Variants in KIF5A observed in about 807,000 individuals in gnomAD.
KIF5A encodes kinesin family member 5A, also known as kinesin heavy chain isoform 5A.
KIF5A carries 35 observed loss-of-function variants against 141.3 expected under a neutral mutation model. The ratio of observed to expected loss-of-function variants is 0.25; its 90% CI spans 0.19 to 0.33. KIF5A has a LOEUF of 0.33. Ranked by LOEUF, KIF5A falls within the 10% of genes least tolerant of loss-of-function variation. The probability of loss-of-function intolerance (pLI) is 1.00; values close to 1 mark genes in which losing one functional copy is unlikely to be tolerated. For missense variants in KIF5A, 861 were observed against 1,314.3 expected (o/e 0.66, Z 5.33); for synonymous variants, 448 against 500.2 (o/e 0.90, Z 1.39).
rs113155897 is a variant in KIF5A at position 57,578,065 on chromosome 12, G to A, written c.2418G>A (p.Thr806=). 2,313 of 1,614,026 alleles carry A rather than the reference G, an allele frequency of 1.4e-3. 5 individuals carry two copies. Among genetic ancestry groups the A allele is most frequent in the Non-Finnish European group, 1.9e-3 (2,206 of 1,179,920 alleles). The change falls in exon 22 of 29, where the codon ACG becomes ACA. Residue 806 remains threonine (T), a synonymous_variant. Coordinates refer to ENST00000455537, the MANE Select transcript of KIF5A (RefSeq NM_004984.4). ...GCAAGCTGTTCGTTCAAGACGTCAC[G>A]ACTCGAGTCAAGAAAGTGAGTGCTG... ...NLRKLFVQDV[T]TRVKKSAEME... is the part of the protein sequence containing the mutation.
Position 57,572,472 on chromosome 12 carries a change from C to A in KIF5A, c.1570-108C>A. The A allele has an allele frequency of 1.4e-6, 2 of 1,466,326 alleles. No homozygotes were observed. The highest frequency in any genetic ancestry group is 1.9e-6 in the Non-Finnish European group (2 of 1,062,808). The allele number at this position is 1,466,326 out of a possible 1,614,324, so 90.8% of individuals were successfully genotyped here. On this transcript the variant is annotated intron_variant, in intron 14 of 28. Coordinates refer to ENST00000455537, the MANE Select transcript of KIF5A (RefSeq NM_004984.4). The surrounding 1 kb of genome is among the most constrained non-coding windows in gnomAD (Gnocchi z 4.2). Reference sequence around the variant, plus strand: ...CAGACTCTTCTGCAGGGCCTGTGTTCTCTTCATAGCAGCCCTCAGGGTCTT... The same window carrying A: ...CAGACTCTTCTGCAGGGCCTGTGTTATCTTCATAGCAGCCCTCAGGGTCTT...
intron 1 of KIF5A, among the ~76,000 whole-genome samples, chr12:57,555,675 C>G (rs904701829): frequency 2.0e-5 from 3 of 151,930 alleles, no homozygotes; most frequent in Non-Finnish European, 2.9e-5. Context: ...CTTTGGGAGA[C>G]AGAGGCGGGT....
intron 27 of KIF5A, 172 bp downstream of exon 27, chr12:57,582,801 A>G (rs1882647213): frequency 2.9e-6 from 2 of 682,368 alleles, no homozygotes; most frequent in Non-Finnish European, 5.2e-6. Context: ...CCCCTGCCTC[A>G]GTGCAGAATA....
chr12:57,553,997 A>G (rs1057062231), intron 1 of KIF5A, among the ~76,000 whole-genome samples: 1 of 152,180 alleles, frequency 6.6e-6, no homozygotes, highest in Non-Finnish European at 1.5e-5. Context: ...GCAGAATTAC[A>G]TACTTCTGAA....
At chr12:57,569,912 G>T in intron 11 of KIF5A, 75 bp from the exon 12 acceptor site, 1 of 1,532,516 alleles carries the variant, frequency 6.5e-7, no homozygotes, top group South Asian at 1.2e-5. Flanking sequence ...CAAGGGGCAT[G>T]GTGAGTGAGA....
chr12:57,574,982 T>A, intron 15 of KIF5A, 102 bp from the exon 16 acceptor site: 1 of 1,000,342 alleles, frequency 1.0e-6, no homozygotes, highest in Non-Finnish European at 1.6e-6. Context: ...CCCATTTGAG[T>A]CCCTGCGTAT....
Position 57,577,990 on chromosome 12 carries a change from T to A in KIF5A, c.2362-19T>A. On this transcript the variant is annotated intron_variant, in intron 21 of 28. Transcript: ENST00000455537. ...GACCTGGTATCTGGCTATTCCCAAT[T>A]TTTCATCATTCTTTCCAGGCCCGGG... 6.2e-7 allele frequency: 1 copy of A among 1,610,076 alleles called. No individual in the cohort carries two copies. The highest frequency in any genetic ancestry group is 8.5e-7 in the Non-Finnish European group (1 of 1,176,334).
At position 57,550,159 on chromosome 12, in the gene KIF5A, C is replaced by T; in HGVS notation, c.-113C>T. 6.7e-7 allele frequency: 1 copy of T among 1,486,970 alleles called. No individual in the cohort carries two copies. The allele number at this position is 1,486,970 out of a possible 1,614,324, so 92.1% of individuals were successfully genotyped here. ...CGCCCGGGCGCCCTCAACTCTGTCC[C>T]CAGAGACTGAGCACCTGTCCTCCGC... On this transcript the variant is annotated 5_prime_UTR_variant, in exon 1 of 29. Transcript: ENST00000455537. The surrounding 1 kb of genome is among the most constrained non-coding windows in gnomAD (Gnocchi z 4.6).
chr12:57,573,336 C>A (rs1017570461), intron 15 of KIF5A, among the ~76,000 whole-genome samples: 2 of 152,094 alleles, frequency 1.3e-5, no homozygotes, highest in African/African-American at 4.8e-5. Context: ...TCACGACCAG[C>A]CTGGGTGACA....
At chr12:57,556,004 G>C (rs926092221) in intron 1 of KIF5A, among the ~76,000 whole-genome samples, 1 of 151,934 alleles carries the variant, frequency 6.6e-6, no homozygotes, top group East Asian at 1.9e-4. Flanking sequence ...TAAAGAGCCA[G>C]GCTTGGAATT....
intron 5 of KIF5A, 64 bp from the exon 6 acceptor site, chr12:57,564,854 T>C: frequency 2.0e-6 from 3 of 1,468,920 alleles, no homozygotes; most frequent in Non-Finnish European, 2.9e-6. Context: ...CTGAGCTGAC[T>C]GCAAGGTGCA....
chr12:57,564,729 C>G lies in KIF5A; in HGVS notation c.446-189C>G, dbSNP rs141763616. ...TAAACAGTTCGAGAGGATCTGGGGC[C>G]GAGGAGCAGGAGCCCTGAGGAGGAG... On this transcript the variant is annotated intron_variant, in intron 5 of 28. Coordinates refer to ENST00000455537, the MANE Select transcript of KIF5A (RefSeq NM_004984.4). Among the ~76,000 whole-genome samples the G allele has an allele frequency of 1.1e-3, 170 of 152,212 alleles. 1 individual carries two copies. The Middle Eastern group carries it at 0.02, about 18-fold the overall frequency.
chr12:57,551,949 T>C (rs1881588838), intron 1 of KIF5A, among the ~76,000 whole-genome samples: 3 of 152,218 alleles, frequency 2.0e-5, no homozygotes, highest in Admixed American at 2.0e-4. Context: ...TGTTTCTTTT[T>C]GCTTCAGGGA....
Position 57,550,345 on chromosome 12 carries a change from T to A in KIF5A, c.74T>A (p.Leu25Gln), listed in dbSNP as rs771847226. Residue 25 changes from leucine (L) to glutamine (Q), a missense_variant, in exon 1 of 29, where the codon CTG (leucine) becomes CAG (glutamine). Leu to Gln is a moderately radical substitution (Grantham distance 113, BLOSUM62 -2). Around this residue, in one of 5 missense-constraint regions of KIF5A, gnomAD observed 59 missense variants for 81.1 expected, o/e 0.73. Transcript: ENST00000455537. This position sits in a 1 kb window ranked among gnomAD's most constrained non-coding sequence, Gnocchi z 4.6. The stretch of plus-strand genomic sequence containing the variant: ...CGGCCCCTGAACCAGGCTGAGATTC[T>A]GCGGGGAGACAAGTTCATCCCCATT... Reference protein sequence around the residue: ...RFRPLNQAEILRGDKFIPIFQ... With the variant: ...RFRPLNQAEIQRGDKFIPIFQ... 6.2e-7 allele frequency: 1 copy of A among 1,614,196 alleles called. No individual in the cohort carries two copies. The highest frequency in any genetic ancestry group is 1.7e-5 in the Admixed American group (1 of 60,024).
chr12:57,564,292 G>C, intron 4 of KIF5A, 80 bp downstream of exon 4: 1 of 1,175,664 alleles, frequency 8.5e-7, no homozygotes, highest in Non-Finnish European at 1.3e-6. Flanking sequence ...AAGAGCCTGG[G>C]CTCCCCAACT....
Position 57,563,624 on chromosome 12 carries a change from C to G in KIF5A, c.222C>G (p.Val74=). The change falls in exon 3 of 29, where the codon GTC becomes GTG. Residue 74 remains valine, a synonymous_variant. Coordinates refer to ENST00000455537, the MANE Select transcript of KIF5A (RefSeq NM_004984.4). ...TTTCTCTACTGTCTCTTCCAGATGT[C>G]CTTGCTGGCTACAATGGCACCATTT... is the stretch of plus-strand genomic sequence containing the variant. ...HACAMQIVKD[V]LAGYNGTIFA... is the part of the protein sequence containing the mutation. The G allele has an allele frequency of 1.2e-6, 2 of 1,614,070 alleles. No individual in the cohort carries two copies. Among genetic ancestry groups the G allele is most frequent in the Non-Finnish European group, 1.7e-6 (2 of 1,179,942 alleles).
chr12:57,551,497 C>T (rs1881571319), intron 1 of KIF5A, among the ~76,000 whole-genome samples: 1 of 152,146 alleles, frequency 6.6e-6, no homozygotes, highest in African/African-American at 2.4e-5. Context: ...CTTGCCCACT[C>T]CCCCTGAGGT....
chr12:57,567,285 G>C, intron 7 of KIF5A, 72 bp downstream of exon 7: 2 of 1,363,420 alleles, frequency 1.5e-6, no homozygotes, highest in East Asian at 4.6e-5. Flanking sequence ...GGGGTGGAGG[G>C]ACTCAAAAGT....
chr12:57,561,190 C>T (rs371531090), intron 1 of KIF5A, among the ~76,000 whole-genome samples: 1 of 152,006 alleles, frequency 6.6e-6, no homozygotes, highest in East Asian at 1.9e-4. Context: ...CAGGTGTGCA[C>T]CACCACACCC....
Sources: gnomAD v4.1 joint callset for allele counts (sites outside exome capture counted in the v4.1 genomes callset) on GRCh38, gnomAD v4.1.1 for gene constraint, gnomAD v4.1.1 regional missense constraint, Gnocchi (gnomAD v3.1) non-coding constraint, MANE v1.5 for transcripts, NCBI Gene and HGNC (gene_info 2026-07-23, HGNC 2026-07-21) for gene names.